TRMT11: variants seen among roughly 807,000 people sequenced by gnomAD.
TRMT11 encodes the protein tRNA methyltransferase 11.
Under a neutral mutation model 62.8 loss-of-function variants are expected in TRMT11, and 53 were observed. The observed-to-expected ratio is 0.84, with a 90% CI of 0.68 to 1.06. TRMT11 has a LOEUF of 1.06. Ranked by LOEUF, TRMT11 falls within the 50% of genes least tolerant of loss-of-function variation. TRMT11 has a pLI of 0.00. For missense variants in TRMT11, 556 were observed against 553.4 expected (o/e 1.00, Z -0.05); for synonymous variants, 188 against 190.3 (o/e 0.99, Z 0.10).
intron 1 of TRMT11, among the ~76,000 whole-genome samples, chr6:126,180,320 T>A (rs1171671608): frequency 6.6e-6 from 1 of 152,214 alleles, no homozygotes; most frequent in East Asian, 1.9e-4. Flanking sequence ...ATATTCTGTA[T>A]AAGTGATAAA....
intron 21 of TRMT11, among the ~76,000 whole-genome samples, chr6:126,129,614 C>G (rs555136442): frequency 1.7e-4 from 26 of 152,052 alleles, no homozygotes; most frequent in South Asian, 1.0e-3. Context: ...CCTTGATATC[C>G]CAGCCTCAGG....
chr6:126,245,252 A>T, the TRMT11 span, among the ~76,000 whole-genome samples: 26 of 152,300 alleles, frequency 1.7e-4, no homozygotes, highest in African/African-American at 6.3e-4. Context: ...ACTTTATTGG[A>T]TGTGCATATA....
At chr6:126,243,337 G>A in the TRMT11 span, among the ~76,000 whole-genome samples, 2 of 152,104 alleles carry the variant, frequency 1.3e-5, no homozygotes, top group Admixed American at 6.5e-5. Flanking sequence ...ACTGTTGGTG[G>A]GACTGTAAAC....
At chr6:126,246,677 C>T in the TRMT11 span, among the ~76,000 whole-genome samples, 1 of 152,140 alleles carries the variant, frequency 6.6e-6, no homozygotes, top group African/African-American at 2.4e-5. Flanking sequence ...AAATAAATAT[C>T]AGAGAAGTGG....
At chr6:126,176,469 G>C (rs1357145752), upstream of TRMT11, among the ~76,000 whole-genome samples, 2 of 152,124 alleles carry the variant, frequency 1.3e-5, no homozygotes, top group Admixed American at 6.5e-5. Context: ...GAGGGAGGTG[G>C]TGGGTTATCT....
chr6:126,073,165 T>C (rs1285860733), intron 17 of TRMT11, among the ~76,000 whole-genome samples: 1 of 152,174 alleles, frequency 6.6e-6, no homozygotes, highest in Non-Finnish European at 1.5e-5. Flanking sequence ...TAGTTATCAA[T>C]GGCCGGGTGT....
the TRMT11 span, among the ~76,000 whole-genome samples, chr6:126,227,138 A>G: frequency 6.6e-6 from 1 of 152,246 alleles, no homozygotes. Context: ...CTAATACAAT[A>G]GATATTGATT....
intron 21 of TRMT11, among the ~76,000 whole-genome samples, chr6:126,125,362 G>A (rs1435194406): frequency 6.6e-6 from 1 of 151,804 alleles, no homozygotes. Flanking sequence ...TTTTCACCTT[G>A]ACTTTAAAAC....
chr6:126,122,387 C>T (rs967112470), intron 21 of TRMT11, among the ~76,000 whole-genome samples: 30 of 152,186 alleles, frequency 2.0e-4, no homozygotes, highest in African/African-American at 7.2e-4. Flanking sequence ...TTCCTCAAGG[C>T]TAGGCATAGA....
intron 21 of TRMT11, among the ~76,000 whole-genome samples, chr6:126,136,087 A>G (rs1777846213): frequency 6.6e-6 from 1 of 151,772 alleles, no homozygotes; most frequent in Admixed American, 6.6e-5. Context: ...AAGATAAGGA[A>G]GCCCACTTTC....
chr6:126,200,672 A>G (rs560893055), intron 3 of TRMT11, among the ~76,000 whole-genome samples: 1 of 152,300 alleles, frequency 6.6e-6, no homozygotes, highest in East Asian at 1.9e-4. Flanking sequence ...CTCCTGCCTC[A>G]GCCTCCCAAG....
the TRMT11 span, among the ~76,000 whole-genome samples, chr6:126,247,826 C>T: frequency 6.6e-6 from 1 of 151,618 alleles, no homozygotes; most frequent in Non-Finnish European, 1.5e-5. Context: ...AACAAAATAT[C>T]CTAAAGAAAT....
At chr6:126,064,152 G>A (rs1776619485) in intron 17 of TRMT11, among the ~76,000 whole-genome samples, 1 of 151,986 alleles carries the variant, frequency 6.6e-6, no homozygotes, top group Admixed American at 6.6e-5. Context: ...GGAGAAGATG[G>A]GGGTGAGCTC....
the TRMT11 span, among the ~76,000 whole-genome samples, chr6:126,232,349 C>A: frequency 6.6e-6 from 1 of 152,010 alleles, no homozygotes; most frequent in Admixed American, 6.6e-5. Context: ...TAGAAGAAAA[C>A]CCCCAAACTC....
the TRMT11 span, among the ~76,000 whole-genome samples, chr6:126,265,965 T>C: frequency 3.3e-5 from 5 of 152,212 alleles, no homozygotes; most frequent in African/African-American, 1.2e-4. Flanking sequence ...CTATAAACCC[T>C]TGGGTAAGGC....
intron 21 of TRMT11, among the ~76,000 whole-genome samples, chr6:126,140,429 G>A (rs1777904617): frequency 6.6e-6 from 1 of 151,940 alleles, no homozygotes; most frequent in South Asian, 2.1e-4. Context: ...ACTTTGAAAA[G>A]TTTATATAAC....
intron 17 of TRMT11, among the ~76,000 whole-genome samples, chr6:126,082,391 A>G (rs971042226): frequency 4.6e-5 from 7 of 152,058 alleles, no homozygotes; most frequent in African/African-American, 1.4e-4. Flanking sequence ...TGTAATATCA[A>G]TTGTGCACTA....
intron 17 of TRMT11, among the ~76,000 whole-genome samples, chr6:126,087,798 A>G (rs1025102075): frequency 6.6e-6 from 1 of 152,220 alleles, no homozygotes; most frequent in Non-Finnish European, 1.5e-5. Context: ...GAAATGCTGA[A>G]GTTTCTTCCT....
chr6:126,060,215 C>T (rs1776491943), intron 17 of TRMT11, among the ~76,000 whole-genome samples: 1 of 152,114 alleles, frequency 6.6e-6, no homozygotes, highest in South Asian at 2.1e-4. Context: ...TGCGGTGGAC[C>T]TGGTTGCAGG....
Sources: gnomAD v4.1 joint callset for allele counts (sites outside exome capture counted in the v4.1 genomes callset) on GRCh38, gnomAD v4.1.1 for gene constraint, MANE v1.5 for transcripts, NCBI Gene and HGNC (gene_info 2026-07-23, HGNC 2026-07-21) for gene names.